The following MKI67 variants were observed in gnomAD, a reference collection of about 807,000 sequenced individuals.
MKI67 encodes proliferation marker protein Ki-67.
A neutral mutation model predicts 233.5 loss-of-function variants in MKI67; 152 were observed. That is an observed-to-expected ratio of 0.65 (90% confidence interval 0.57 to 0.74). The LOEUF is 0.74. Among genes scored for constraint, MKI67 ranks in the 30% least tolerant of loss-of-function variants. The pLI, the probability that MKI67 is intolerant of heterozygous loss-of-function variation, is 0.00. For missense variants in MKI67, 3,940 were observed against 3,885.2 expected (o/e 1.01, Z -0.37); for synonymous variants, 1,465 against 1,418.5 (o/e 1.03, Z -0.74).
In MKI67 at chr10:128,103,913, T is replaced by C. The variant is rs2136128114; in HGVS notation, c.7927A>G (p.Ile2643Val). The C allele has an allele frequency of 6.2e-7, 1 of 1,614,106 alleles. No individual in the cohort carries two copies. Among genetic ancestry groups the C allele is most frequent in the Non-Finnish European group, 8.5e-7 (1 of 1,180,026 alleles). The change falls in exon 13 of 15, where the codon ATC (isoleucine) becomes GTC (valine). Residue 2643 changes from isoleucine to valine, a missense_variant. By Grantham distance (29) the Ile-to-Val change is conservative. Coordinates refer to ENST00000368654, the MANE Select transcript of MKI67 (RefSeq NM_002417.5). ...TTTGCACGTTGCTTCAATACTTTGA[T>C]GCCCTCATCACCGCTTGCTGGTTCT... ...HKEPASGDEG[I>V]KVLKQRAKKK...
Position 128,121,563 on chromosome 10 carries a change from A to T in MKI67, c.287+1318T>A, listed in dbSNP as rs1590319268. Among the ~76,000 whole-genome samples, 7 of 114,132 alleles carry T rather than the reference A, an allele frequency of 6.1e-5. No individual in the cohort carries two copies. In the South Asian group the frequency reaches 1.8e-3, roughly 29 times the overall value. The allele number at this position is 114,132 out of a possible 152,430, so 74.9% of individuals were successfully genotyped here. ...ATTATAATTATATATGATTATATAT[A>T]ATATATTATAATTATATATTATATA... On this transcript the variant is annotated intron_variant, in intron 4 of 14. Transcript: ENST00000368654.
rs201365574 is a variant in MKI67 at position 128,103,767 on chromosome 10, G to A, written c.8073C>T (p.His2691=). Reference sequence around the variant, plus strand: ...TGCCAGCAGTCAGTGATTCCTGAGTGTGACCTGATGTTTCAGAGAGCTCTG... The same window carrying A: ...TGCCAGCAGTCAGTGATTCCTGAGTATGACCTGATGTTTCAGAGAGCTCTG... ...GFTELSETSG[H]TQESLTAGKA... is the part of the protein sequence containing the mutation. The change falls in exon 13 of 15, where the codon CAC becomes CAT. Residue 2691 remains histidine, a synonymous_variant. Transcript: ENST00000368654. The A allele has an allele frequency of 4.3e-6, 7 of 1,613,750 alleles. No individual in the cohort carries two copies. The Admixed American group carries it at 1.0e-4, about 23-fold the overall frequency.
chr10:128,115,958 T>A lies in MKI67; in HGVS notation c.450A>T (p.Lys150Asn). 4 of 1,607,382 alleles carry A rather than the reference T, an allele frequency of 2.5e-6. No individual in the cohort carries two copies. Among genetic ancestry groups the A allele is most frequent in the Non-Finnish European group, 2.5e-6 (3 of 1,178,566 alleles). Residue 150 changes from lysine to asparagine, a missense_variant, in exon 7 of 15, where the codon AAA becomes AAT. Coordinates refer to ENST00000368654, the MANE Select transcript of MKI67 (RefSeq NM_002417.5). ...TATGTACCTGAGGATTTCCTGAAAC[T>A]TTTCCTTCAGTGATTTTTGAATAGG... ...SKAYSKITEG[K>N]VSGNPQVHIK...
At chr10:128,113,138 A>T (rs1380856172) in intron 8 of MKI67, among the ~76,000 whole-genome samples, 1 of 152,176 alleles carries the variant, frequency 6.6e-6, no homozygotes, top group African/African-American at 2.4e-5. Context: ...CGGTGCCTGC[A>T]GGTGATTACG....
rs1369769888 is a variant in MKI67, at chr10:128,104,948, C to A, written c.6892G>T (p.Gly2298Cys). The A allele has an allele frequency of 6.2e-7, 1 of 1,613,280 alleles. No homozygotes were observed. The highest frequency in any genetic ancestry group is 8.5e-7 in the Non-Finnish European group (1 of 1,179,900). Residue 2298 changes from glycine to cysteine, a missense_variant, in exon 13 of 15, where the codon GGC (glycine) becomes TGC (cysteine). Coordinates refer to ENST00000368654, the MANE Select transcript of MKI67 (RefSeq NM_002417.5). ...QKLDLPGNLPGSKRWPQTPKE... is the reference protein window; with the variant it reads ...QKLDLPGNLPCSKRWPQTPKE... Reference sequence around the variant, plus strand: ...GGAGTTTGTGGCCATCTTTTGCTGCCAGGTAAATTTCCTGGCAGGTCCAAT... The same window carrying A: ...GGAGTTTGTGGCCATCTTTTGCTGCAAGGTAAATTTCCTGGCAGGTCCAAT...
At position 128,115,183 on chromosome 10, in the gene MKI67, C is replaced by A; in HGVS notation, c.1225G>T (p.Ala409Ser). The A allele has an allele frequency of 6.2e-7, 1 of 1,614,218 alleles. No homozygotes were observed. The highest frequency in any genetic ancestry group is 8.5e-7 in the Non-Finnish European group (1 of 1,180,040). The change falls in exon 7 of 15, where the codon GCT (alanine) becomes TCT (serine). Residue 409 changes from alanine to serine, a missense_variant. Physicochemically the swap from Ala to Ser is moderately conservative, Grantham distance 99. Transcript: ENST00000368654. ...TTTTCTGGCTTAGTGGCAGAGTCAG[C>A]TGCATCTTCAACTTTAGCTGGTGTT... is the stretch of plus-strand genomic sequence containing the variant. ...NRTPAKVEDAADSATKPENLS... is the reference protein window; with the variant it reads ...NRTPAKVEDASDSATKPENLS...
In MKI67 at chr10:128,125,698, A is replaced by G; in HGVS notation, c.-31T>C. ...AAACAGTAAGTTGAGTATAATCCGT[A>G]GGGGAAGGCCAGGTATAATCCGTAG... On this transcript the variant is annotated 5_prime_UTR_variant, in exon 2 of 15. Coordinates refer to ENST00000368654, the MANE Select transcript of MKI67 (RefSeq NM_002417.5). The surrounding 1 kb of genome is among the most constrained non-coding windows in gnomAD (Gnocchi z 5.3). 4 of 1,574,038 alleles carry G rather than the reference A, an allele frequency of 2.5e-6. No individual in the cohort carries two copies. The highest frequency in any genetic ancestry group is 3.5e-6 in the Non-Finnish European group (4 of 1,144,980).
chr10:128,105,014 C>T lies in MKI67; in HGVS notation c.6826G>A (p.Glu2276Lys). The change falls in exon 13 of 15, where the codon GAG becomes AAG. Residue 2276 changes from glutamate (E) to lysine (K), a missense_variant. By Grantham distance (56) the Glu-to-Lys change is moderately conservative. Coordinates refer to ENST00000368654, the MANE Select transcript of MKI67 (RefSeq NM_002417.5). ...CCCATAAATGCTTTCATGTCTTTCTCATCACCTCCTGCTGGTTTGGGTGTG... is the reference window on the plus strand; with the variant it reads ...CCCATAAATGCTTTCATGTCTTTCTTATCACCTCCTGCTGGTTTGGGTGTG... The part of the protein sequence containing the change: ...MDTPKPAGGD[E>K]KDMKAFMGTP... 1 of 1,613,538 alleles carries T rather than the reference C, an allele frequency of 6.2e-7. No individual in the cohort carries two copies. Among genetic ancestry groups the T allele is most frequent in the African/African-American group, 1.3e-5 (1 of 74,794 alleles).
chr10:128,117,793 C>T (rs1202915171), intron 5 of MKI67, among the ~76,000 whole-genome samples: 1 of 152,152 alleles, frequency 6.6e-6, no homozygotes, highest in Non-Finnish European at 1.5e-5. Context: ...TATATAATCT[C>T]ACTTTTGTTG....
intron 4 of MKI67, among the ~76,000 whole-genome samples, chr10:128,121,474 T>C (rs927391063): frequency 2.9e-5 from 4 of 137,318 alleles, no homozygotes; most frequent in African/African-American, 5.4e-5. Context: ...ATATATAATA[T>C]ATATTATTAT....
Position 128,115,028 on chromosome 10 carries a change from G to T in MKI67, c.1380C>A (p.Ser460=), listed in dbSNP as rs1565011741. The change falls in exon 7 of 15, where the codon TCC becomes TCA. Residue 460 remains serine, a synonymous_variant. Transcript: ENST00000368654. ...TGCCCAATTTCTCAGGCTTGCTGAG[G>T]GAATCCTTTTGGATCTTCCTCTCAA... ...TQVERKIQKD[S]LSKPEKLGTT... 1.2e-5 allele frequency: 19 copies of T among 1,612,162 alleles called. No homozygotes were observed. The highest frequency in any genetic ancestry group is 1.6e-5 in the Non-Finnish European group (19 of 1,178,226).
rs1852724023 is a variant in MKI67, at chr10:128,113,416, G to T, written c.1656+11C>A. The T allele has an allele frequency of 6.2e-7, 1 of 1,613,974 alleles. No individual in the cohort carries two copies. Among genetic ancestry groups the T allele is most frequent in the East Asian group, 2.2e-5 (1 of 44,890 alleles). ...ACTGGGCGTGAATGGGATGCTGCTT[G>T]TTCAACTCACCTTGATGATTTTCTT... On this transcript the variant is annotated intron_variant, in intron 8 of 14. Transcript: ENST00000368654.
At chr10:128,121,356 A>G (rs1168699795) in intron 4 of MKI67, among the ~76,000 whole-genome samples, 1 of 144,540 alleles carries the variant, frequency 6.9e-6, no homozygotes, top group African/African-American at 2.5e-5. Context: ...ATTACATATT[A>G]TATATGTATA....
chr10:128,114,780 A>G (rs925142535), intron 7 of MKI67, 148 bp downstream of exon 7: 1 of 714,148 alleles, frequency 1.4e-6, no homozygotes, highest in African/African-American at 1.8e-5. Context: ...ATTAGCGAAA[A>G]CAGCGTGCGT....
chr10:128,113,989 G>A (rs1590312128), intron 7 of MKI67, among the ~76,000 whole-genome samples: 2 of 152,260 alleles, frequency 1.3e-5, no homozygotes, highest in South Asian at 2.1e-4. Flanking sequence ...TGCATGAGCT[G>A]TAAAAACTCC....
chr10:128,105,782 G>A lies in MKI67; in HGVS notation c.6058C>T (p.Gln2020Ter). Residue 2020 changes from glutamine (Q) to a stop codon, truncating the protein, a stop_gained, in exon 13 of 15, where the codon CAG becomes TAG. Coordinates refer to ENST00000368654, the MANE Select transcript of MKI67 (RefSeq NM_002417.5). LOFTEE classifies it high-confidence loss of function. The stretch of plus-strand genomic sequence containing the variant: ...GTCTGTGTGGTCTTCCCTGACGTCT[G>A]TGTGAGCTTGCCGACTGGTAGGACC... Reference protein sequence around the residue: ...EEVLPVGKLTQTSGKTTQTHR... With the variant: ...EEVLPVGKLT The A allele has an allele frequency of 6.2e-7, 1 of 1,614,188 alleles. No homozygotes were observed. Among genetic ancestry groups the A allele is most frequent in the Non-Finnish European group, 8.5e-7 (1 of 1,180,038 alleles).
In MKI67 at chr10:128,105,389, C is replaced by G; in HGVS notation, c.6451G>C (p.Gly2151Arg). 6.2e-7 allele frequency: 1 copy of G among 1,614,164 alleles called. No individual in the cohort carries two copies. Among genetic ancestry groups the G allele is most frequent in the East Asian group, 2.2e-5 (1 of 44,868 alleles). Reference protein sequence around the residue: ...TQTTHTDKVPGDEDKGINVFR... With the variant: ...TQTTHTDKVPRDEDKGINVFR... Reference sequence around the variant, plus strand: ...ACGTTGATGCCTTTATCCTCATCTCCTGGTACTTTGTCTGTGTGTGTGGTC... The same window carrying G: ...ACGTTGATGCCTTTATCCTCATCTCGTGGTACTTTGTCTGTGTGTGTGGTC... Residue 2151 changes from glycine to arginine, a missense_variant, in exon 13 of 15, where the codon GGA (glycine) becomes CGA (arginine). Physicochemically the swap from Gly to Arg is moderately radical, Grantham distance 125. Transcript: ENST00000368654.
chr10:128,106,747 C>T lies in MKI67; in HGVS notation c.5093G>A (p.Arg1698Lys). The T allele has an allele frequency of 2.5e-6, 4 of 1,613,522 alleles. No homozygotes were observed. The East Asian group carries it at 8.9e-5, about 36-fold the overall frequency. ...GACTTCAGACTTTCCCTTAGGAGTTCTCAGCTGCCTCTTGCTGCCAGTTAG... is the reference window on the plus strand; with the variant it reads ...GACTTCAGACTTTCCCTTAGGAGTTTTCAGCTGCCTCTTGCTGCCAGTTAG... ...ASLTGSKRQL[R>K]TPKGKSEVPE... is the part of the protein sequence containing the mutation. The change falls in exon 13 of 15, where the codon AGA (arginine) becomes AAA (lysine). Residue 1698 changes from arginine (R) to lysine (K), a missense_variant. Arg to Lys is a conservative substitution (Grantham distance 26). Coordinates refer to ENST00000368654, the MANE Select transcript of MKI67 (RefSeq NM_002417.5).
At chr10:128,119,930 T>C (rs1179130871) in intron 4 of MKI67, among the ~76,000 whole-genome samples, 1 of 152,220 alleles carries the variant, frequency 6.6e-6, no homozygotes, top group Non-Finnish European at 1.5e-5. Flanking sequence ...AGTGATCAAG[T>C]CATAGAAGCA....
Sources: gnomAD v4.1 joint callset for allele counts (sites outside exome capture counted in the v4.1 genomes callset) on GRCh38, gnomAD v4.1.1 for gene constraint, Gnocchi (gnomAD v3.1) non-coding constraint, MANE v1.5 for transcripts, NCBI Gene and HGNC (gene_info 2026-07-23, HGNC 2026-07-21) for gene names.